CDKAL1: variants seen among roughly 807,000 people sequenced by gnomAD.
CDKAL1 encodes the protein CDKAL1 threonylcarbamoyladenosine tRNA methylthiotransferase.
Under a neutral mutation model 68.2 loss-of-function variants are expected in CDKAL1, and 32 were observed. The ratio of observed to expected loss-of-function variants is 0.47; its 90% CI spans 0.35 to 0.63. The LOEUF (loss-of-function observed/expected upper bound fraction) is 0.63. Ranked by LOEUF, CDKAL1 falls within the 30% of genes least tolerant of loss-of-function variation. CDKAL1 has a pLI of 0.00. For missense variants in CDKAL1, 606 were observed against 696.7 expected, an observed-to-expected ratio of 0.87 and a Z score of 1.47; for synonymous variants, 234 against 244.3, an observed-to-expected ratio of 0.96 and a Z score of 0.39.
chr6:21,138,484 T>G (rs1775731789), intron 13 of CDKAL1, among the ~76,000 whole-genome samples: 1 of 152,222 alleles, frequency 6.6e-6, no homozygotes, highest in South Asian at 2.1e-4. Context: ...ATTGACTAGC[T>G]GTGAAACTTT....
At chr6:20,665,204 T>C (rs1348660352) in intron 5 of CDKAL1, among the ~76,000 whole-genome samples, 1 of 152,068 alleles carries the variant, frequency 6.6e-6, no homozygotes, top group Admixed American at 6.6e-5. Flanking sequence ...GTAATCCTCT[T>C]ATATAAAAAG....
chr6:20,899,135 G>C (rs537271753), intron 9 of CDKAL1, among the ~76,000 whole-genome samples: 1 of 143,698 alleles, frequency 7.0e-6, no homozygotes, highest in South Asian at 2.2e-4. Context: ...CACAATCTCT[G>C]CTCACTGCAA....
intron 9 of CDKAL1, among the ~76,000 whole-genome samples, chr6:20,898,151 G>A (rs1029134845): frequency 6.6e-6 from 1 of 151,636 alleles, no homozygotes; most frequent in African/African-American, 2.4e-5. Context: ...GGACTTCTTG[G>A]GCTCTTTTTA....
At chr6:20,658,586 G>T (rs1769137122) in intron 5 of CDKAL1, among the ~76,000 whole-genome samples, 1 of 151,822 alleles carries the variant, frequency 6.6e-6, no homozygotes, top group Admixed American at 6.6e-5. Context: ...ATTTATTTTT[G>T]AGTTCTTTTT....
At chr6:20,918,596 A>G (rs1010098192) in intron 9 of CDKAL1, among the ~76,000 whole-genome samples, 1 of 152,202 alleles carries the variant, frequency 6.6e-6, no homozygotes, top group Non-Finnish European at 1.5e-5. Flanking sequence ...CTATGATTCT[A>G]CCTAGATGTA....
At chr6:20,826,317 C>A (rs1333271157) in intron 8 of CDKAL1, among the ~76,000 whole-genome samples, 2 of 152,058 alleles carry the variant, frequency 1.3e-5, no homozygotes, top group African/African-American at 2.4e-5. Context: ...TATAGTATTT[C>A]TTTTTGTAAT....
chr6:21,027,255 A>T (rs1474801960), intron 11 of CDKAL1, among the ~76,000 whole-genome samples: 3 of 152,140 alleles, frequency 2.0e-5, no homozygotes, highest in Non-Finnish European at 4.4e-5. Context: ...AGCCATATCA[A>T]ATCTTCTTCG....
Position 20,906,389 on chromosome 6 carries a change from A to G in CDKAL1, c.743-49030A>G, listed in dbSNP as rs144017649. On this transcript the variant is annotated intron_variant, in intron 9 of 15. Coordinates refer to ENST00000274695, the MANE Select transcript of CDKAL1 (RefSeq NM_017774.3). The stretch of plus-strand genomic sequence containing the variant: ...TGATATAAATCCAAATTAGAGTGCT[A>G]TAAGTTCAGGATATTAAATATAATT... 3.2e-3 allele frequency among the ~76,000 whole-genome samples: 485 copies of G among 152,324 alleles called. 2 individuals carry two copies. The highest frequency in any genetic ancestry group is 9.0e-3 in the African/African-American group (374 of 41,558).
intron 13 of CDKAL1, among the ~76,000 whole-genome samples, chr6:21,187,702 T>A (rs183126797): frequency 2.0e-5 from 3 of 152,346 alleles, no homozygotes; most frequent in Admixed American, 2.0e-4. Flanking sequence ...TTACTGCAGA[T>A]TACTAGATTA....
chr6:20,609,260 C>T (rs1212587215), intron 4 of CDKAL1, among the ~76,000 whole-genome samples: 1 of 120,478 alleles, frequency 8.3e-6, no homozygotes. Context: ...CTTCCTCCTT[C>T]CTTCCTCCTC....
At chr6:20,833,020 A>G (rs971497636) in intron 8 of CDKAL1, among the ~76,000 whole-genome samples, 1 of 152,132 alleles carries the variant, frequency 6.6e-6, no homozygotes, top group Non-Finnish European at 1.5e-5. Context: ...AGCACATTTC[A>G]TTGATACGAA....
At chr6:20,583,931 T>C (rs1374171464) in intron 4 of CDKAL1, among the ~76,000 whole-genome samples, 1 of 152,026 alleles carries the variant, frequency 6.6e-6, no homozygotes, top group African/African-American at 2.4e-5. Flanking sequence ...TTATTAAAAA[T>C]ATTTTAAGTC....
rs531203554 is a variant in CDKAL1 at position 20,925,139 on chromosome 6, A to T, written c.743-30280A>T. Among the ~76,000 whole-genome samples, 127 of 152,370 alleles carry T rather than the reference A, an allele frequency of 8.3e-4. 2 individuals are homozygous for T. The South Asian group carries it at 0.015, about 18-fold the overall frequency. On this transcript the variant is annotated intron_variant, in intron 9 of 15. Coordinates refer to ENST00000274695, the MANE Select transcript of CDKAL1 (RefSeq NM_017774.3). ...CCAACCACCACCTTGATCAGGCAGC[A>T]ACCATCAACATTGGAGTCAAGACCT...
intron 5 of CDKAL1, among the ~76,000 whole-genome samples, chr6:20,734,926 G>A (rs991719030): frequency 7.3e-6 from 1 of 136,720 alleles, no homozygotes; most frequent in Non-Finnish European, 1.5e-5. Context: ...CTGGAGTGCA[G>A]TGGTGCGATC....
rs555135795 is a variant in CDKAL1 at position 20,831,447 on chromosome 6, T to C, written c.639-14628T>C. ...TTGTGGAGAAGAATTGGGCCCTTTC[T>C]GCTGACCAGTGCCAGCTGCAGGCCT... On this transcript the variant is annotated intron_variant, in intron 8 of 15. Transcript: ENST00000274695. 2.6e-5 allele frequency among the ~76,000 whole-genome samples: 4 copies of C among 152,326 alleles called. No homozygotes were observed. The East Asian group carries it at 7.7e-4, about 29-fold the overall frequency.
intron 8 of CDKAL1, among the ~76,000 whole-genome samples, chr6:20,837,204 C>T (rs1248010117): frequency 7.9e-5 from 12 of 152,022 alleles, no homozygotes; most frequent in Admixed American, 7.9e-4. Flanking sequence ...ATTATTTGAC[C>T]CAAACAATTT....
At position 21,205,561 on chromosome 6, in the gene CDKAL1, C is replaced by T. The variant is rs186281097; in HGVS notation, c.1548+4287C>T. Among the ~76,000 whole-genome samples the T allele has an allele frequency of 6.3e-3, 948 of 151,508 alleles. 4 individuals carry two copies. The highest frequency in any genetic ancestry group is 0.014 in the Middle Eastern group (4 of 294). ...TTTTGTTTTTTTTGAGACAGAGTCT[C>T]GCCCTGTCGCCCAGGCTGGAGTGCA... On this transcript the variant is annotated intron_variant, in intron 15 of 15. Coordinates refer to ENST00000274695, the MANE Select transcript of CDKAL1 (RefSeq NM_017774.3).
At chr6:21,076,289 A>G (rs765239563) in intron 12 of CDKAL1, among the ~76,000 whole-genome samples, 19 of 152,220 alleles carry the variant, frequency 1.2e-4, no homozygotes, top group Non-Finnish European at 2.5e-4. Context: ...TAAATCATAT[A>G]TAGAAGCTTG....
chr6:21,230,408 C>T (rs62404550), intron 15 of CDKAL1, among the ~76,000 whole-genome samples: 165 of 152,306 alleles, frequency 1.1e-3, no homozygotes, highest in Middle Eastern at 3.4e-3. Flanking sequence ...GTGATCAGCC[C>T]GCCTTGGCCT....
Sources: gnomAD v4.1 joint callset for allele counts (sites outside exome capture counted in the v4.1 genomes callset) on GRCh38, gnomAD v4.1.1 for gene constraint, MANE v1.5 for transcripts, NCBI Gene and HGNC (gene_info 2026-07-23, HGNC 2026-07-21) for gene names.